ARHGAP24: variants seen among roughly 807,000 people sequenced by gnomAD.
ARHGAP24 encodes rho GTPase-activating protein 24.
ARHGAP24 carries 50 observed loss-of-function variants against 76.4 expected under a neutral mutation model. That is an observed-to-expected ratio of 0.65 (90% CI 0.52 to 0.83). ARHGAP24 has a LOEUF of 0.83. ARHGAP24 is among the 40% of genes least tolerant of loss of function. The pLI, the probability that ARHGAP24 is intolerant of heterozygous loss-of-function variation, is 0.00. For synonymous variants in ARHGAP24, 345 were observed against 323.3 expected, an observed-to-expected ratio of 1.07 and a Z score of -0.72; for missense variants, 930 against 914.2, an observed-to-expected ratio of 1.02 and a Z score of -0.22.
chr4:85,645,441 C>T (rs530811315), intron 2 of ARHGAP24, among the ~76,000 whole-genome samples: 1 of 152,144 alleles, frequency 6.6e-6, no homozygotes, highest in South Asian at 2.1e-4. Flanking sequence ...TCAAGAGGAA[C>T]AGCAGAGAAC....
intron 2 of ARHGAP24, among the ~76,000 whole-genome samples, chr4:85,628,198 C>A (rs975916775): frequency 6.6e-6 from 1 of 152,194 alleles, no homozygotes; most frequent in Non-Finnish European, 1.5e-5. Flanking sequence ...CGGAGCTGTT[C>A]CTATTTGACC....
intron 2 of ARHGAP24, among the ~76,000 whole-genome samples, chr4:85,685,342 A>G (rs1262539649): frequency 2.0e-5 from 3 of 152,064 alleles, no homozygotes; most frequent in Non-Finnish European, 4.4e-5. Flanking sequence ...AGAAGTCTCC[A>G]CAAAGTGGGG....
In ARHGAP24 at chr4:85,806,873, T is replaced by C. The variant is rs11944731; in HGVS notation, c.268+84901T>C. On this transcript the variant is annotated intron_variant, in intron 3 of 9. Coordinates refer to ENST00000395184, the MANE Select transcript of ARHGAP24 (RefSeq NM_001025616.3). ...TTTTTCCCAATTTTATTTACATCAGTCTGAATAAAGCCTTGCATTTATCAA... is the reference window on the plus strand; with the variant it reads ...TTTTTCCCAATTTTATTTACATCAGCCTGAATAAAGCCTTGCATTTATCAA... 9.9e-3 allele frequency among the ~76,000 whole-genome samples: 1,505 copies of C among 152,208 alleles called. 29 individuals are homozygous for C. The highest frequency in any genetic ancestry group is 0.034 in the African/African-American group (1,405 of 41,536).
At chr4:85,871,058 G>A (rs1732498946) in intron 3 of ARHGAP24, among the ~76,000 whole-genome samples, 1 of 152,044 alleles carries the variant, frequency 6.6e-6, no homozygotes, top group African/African-American at 2.4e-5. Flanking sequence ...TTGAATAAAG[G>A]TCTCTTAATT....
intron 2 of ARHGAP24, among the ~76,000 whole-genome samples, chr4:85,639,145 A>G (rs1028598187): frequency 6.6e-6 from 1 of 152,180 alleles, no homozygotes; most frequent in African/African-American, 2.4e-5. Flanking sequence ...AAAGAAGAGA[A>G]TGTAGCCCAT....
chr4:85,493,048 A>G (rs530268961), intron 1 of ARHGAP24, among the ~76,000 whole-genome samples: 1 of 152,296 alleles, frequency 6.6e-6, no homozygotes, highest in South Asian at 2.1e-4. Context: ...TTGTGTTCTG[A>G]TAATAAAAGT....
chr4:85,781,611 T>G (rs1477910252), intron 3 of ARHGAP24, among the ~76,000 whole-genome samples: 1 of 144,652 alleles, frequency 6.9e-6, no homozygotes, highest in African/African-American at 2.6e-5. Flanking sequence ...CTGTAGAAAT[T>G]TTTCCTAAGT....
In ARHGAP24 at chr4:85,988,031, TG is replaced by T. The variant is rs531256658; in HGVS notation, c.929-6551del. On this transcript the variant is annotated intron_variant, in intron 8 of 9. Coordinates refer to ENST00000395184, the MANE Select transcript of ARHGAP24 (RefSeq NM_001025616.3). ...AAGTGGATCAAAACCTTTGAAGTAC[TG>T]AAAAAAATCTATTAACCTAGATTTC... Among the ~76,000 whole-genome samples the T allele has an allele frequency of 2.9e-4, 44 of 152,006 alleles. No individual in the cohort carries two copies. In the East Asian group the frequency reaches 7.1e-3, roughly 25 times the overall value.
At chr4:85,647,525 A>G (rs1473856518) in intron 2 of ARHGAP24, among the ~76,000 whole-genome samples, 1 of 152,124 alleles carries the variant, frequency 6.6e-6, no homozygotes, top group East Asian at 1.9e-4. Flanking sequence ...GTGATGTTGA[A>G]TAAGTTAGCC....
At chr4:85,607,786 G>A (rs561508570) in intron 2 of ARHGAP24, among the ~76,000 whole-genome samples, 7 of 82,884 alleles carry the variant, frequency 8.4e-5, no homozygotes, top group Non-Finnish European at 1.5e-4. Context: ...CCCAGGTGTT[G>A]GAGCCATAGC....
intron 3 of ARHGAP24, among the ~76,000 whole-genome samples, chr4:85,767,462 C>G (rs1413021675): frequency 1.3e-5 from 2 of 151,968 alleles, no homozygotes; most frequent in Non-Finnish European, 2.9e-5. Flanking sequence ...ATTACATACC[C>G]TAAAATTACA....
chr4:85,932,037 T>G (rs543732185), intron 4 of ARHGAP24, among the ~76,000 whole-genome samples: 32 of 152,208 alleles, frequency 2.1e-4, no homozygotes, highest in Non-Finnish European at 4.1e-4. Flanking sequence ...GTGGGAACTT[T>G]TTTTTTAAGG....
intron 2 of ARHGAP24, among the ~76,000 whole-genome samples, chr4:85,600,745 G>T (rs1055406951): frequency 6.6e-6 from 1 of 152,170 alleles, no homozygotes; most frequent in African/African-American, 2.4e-5. Flanking sequence ...TGCTTTTCAT[G>T]CAAGGAATAC....
At chr4:85,814,595 G>T (rs1729156809) in intron 3 of ARHGAP24, among the ~76,000 whole-genome samples, 1 of 152,190 alleles carries the variant, frequency 6.6e-6, no homozygotes, top group African/African-American at 2.4e-5. Context: ...GCTGATGTAA[G>T]AGGTAGGTTC....
chr4:85,790,939 C>T (rs1728090155), intron 3 of ARHGAP24, among the ~76,000 whole-genome samples: 1 of 152,094 alleles, frequency 6.6e-6, no homozygotes, highest in Admixed American at 6.6e-5. Flanking sequence ...TCTTCATGAA[C>T]TACATTGGAA....
chr4:85,847,865 A>G (rs1730973216), intron 3 of ARHGAP24, among the ~76,000 whole-genome samples: 1 of 152,158 alleles, frequency 6.6e-6, no homozygotes, highest in African/African-American at 2.4e-5. Flanking sequence ...AGTTATGAGC[A>G]TCCCCAAAAA....
intron 2 of ARHGAP24, among the ~76,000 whole-genome samples, chr4:85,611,008 AT>A (rs1257444702): frequency 1.3e-5 from 2 of 152,218 alleles, no homozygotes; most frequent in African/African-American, 4.8e-5. Flanking sequence ...GTTAAAGAAA[AT>A]TGGAAATAGG....
At chr4:85,668,506 A>C (rs1231179257) in intron 2 of ARHGAP24, among the ~76,000 whole-genome samples, 1 of 152,220 alleles carries the variant, frequency 6.6e-6, no homozygotes, top group Non-Finnish European at 1.5e-5. Flanking sequence ...AAACACTGAC[A>C]AGTACAGGTT....
chr4:85,586,124 T>C lies in ARHGAP24; in HGVS notation c.180+15403T>C, dbSNP rs75083014. 6.0e-3 allele frequency among the ~76,000 whole-genome samples: 910 copies of C among 152,340 alleles called. 7 individuals are homozygous for C. The highest frequency in any genetic ancestry group is 0.021 in the African/African-American group (861 of 41,572). Reference sequence around the variant, plus strand: ...GCCTCTTGTTATCGCTCTTTCTTTTTTTCCCCCCTCTCTTTCTTGTTCTTG... The same window carrying C: ...GCCTCTTGTTATCGCTCTTTCTTTTCTTCCCCCCTCTCTTTCTTGTTCTTG... On this transcript the variant is annotated intron_variant, in intron 2 of 9. Transcript: ENST00000395184.
Sources: gnomAD v4.1 joint callset for allele counts (sites outside exome capture counted in the v4.1 genomes callset) on GRCh38, gnomAD v4.1.1 for gene constraint, MANE v1.5 for transcripts, NCBI Gene and HGNC (gene_info 2026-07-23, HGNC 2026-07-21) for gene names.